The following ADAM18 variants were observed in gnomAD, a reference collection of about 807,000 sequenced individuals.
The protein encoded by ADAM18 is disintegrin and metalloproteinase domain-containing protein 18.
ADAM18 carries 117 observed loss-of-function variants against 94.4 expected under a neutral mutation model. That is an observed-to-expected ratio of 1.24 (90% confidence interval 1.07 to 1.45). The LOEUF (loss-of-function observed/expected upper bound fraction) is 1.45, where lower values mean the gene tolerates loss of function less well. ADAM18 is among the 40% of genes most tolerant of loss of function. The pLI is 0.00. For synonymous variants in ADAM18, 327 were observed against 291.6 expected, an observed-to-expected ratio of 1.12 and a Z score of -1.24; for missense variants, 936 against 880.0, an observed-to-expected ratio of 1.06 and a Z score of -0.81.
chr8:39,700,466 T>G (rs1822035782), intron 17 of ADAM18, among the ~76,000 whole-genome samples: 2 of 151,872 alleles, frequency 1.3e-5, no homozygotes, highest in Non-Finnish European at 2.9e-5. Flanking sequence ...TTTGAAAAAA[T>G]GTACATAGAA....
At chr8:39,606,949 A>G (rs1819104844) in intron 3 of ADAM18, among the ~76,000 whole-genome samples, 1 of 152,172 alleles carries the variant, frequency 6.6e-6, no homozygotes, top group African/African-American at 2.4e-5. Context: ...GTCATCAGTT[A>G]AGGCAGGAAC....
intron 17 of ADAM18, among the ~76,000 whole-genome samples, chr8:39,693,516 A>G (rs1385610868): frequency 1.3e-5 from 2 of 151,282 alleles, no homozygotes; most frequent in African/African-American, 4.8e-5. Flanking sequence ...CAATATCTCA[A>G]CACAAAGTTA....
intron 17 of ADAM18, among the ~76,000 whole-genome samples, chr8:39,697,631 C>A (rs1462945276): frequency 6.6e-6 from 1 of 151,678 alleles, no homozygotes; most frequent in East Asian, 1.9e-4. Flanking sequence ...CTATTTCTTG[C>A]ATTCCTTTCT....
chr8:39,670,944 ACT>A (rs1022302515), intron 14 of ADAM18, among the ~76,000 whole-genome samples: 1 of 152,208 alleles, frequency 6.6e-6, no homozygotes, highest in African/African-American at 2.4e-5. Flanking sequence ...TCAAACACAC[ACT>A]GGCAGGTTAT....
At chr8:39,683,274 C>G (rs1821520449) in intron 16 of ADAM18, among the ~76,000 whole-genome samples, 1 of 152,160 alleles carries the variant, frequency 6.6e-6, no homozygotes, top group African/African-American at 2.4e-5. Flanking sequence ...AATTTGGAAG[C>G]ATATTCATTT....
chr8:39,639,020 ACAAC>A (rs1241791792), intron 10 of ADAM18, among the ~76,000 whole-genome samples: 2 of 151,962 alleles, frequency 1.3e-5, no homozygotes, highest in Non-Finnish European at 2.9e-5. Context: ...TGCAAAATTT[ACAAC>A]CCTTAAATCA....
Position 39,691,357 on chromosome 8 carries a change from C to G in ADAM18, c.1822-1243C>G, listed in dbSNP as rs563006367. Among the ~76,000 whole-genome samples the G allele has an allele frequency of 8.5e-5, 13 of 152,206 alleles. No homozygotes were observed. The South Asian group carries it at 2.7e-3, about 32-fold the overall frequency. On this transcript the variant is annotated intron_variant, in intron 16 of 19. Coordinates refer to ENST00000265707, the MANE Select transcript of ADAM18 (RefSeq NM_014237.3). Reference sequence around the variant, plus strand: ...GCGAGAATGCAGAGAAAGGGTAACTCTTATACACTGTTTGTGACAATGCAA... The same window carrying G: ...GCGAGAATGCAGAGAAAGGGTAACTGTTATACACTGTTTGTGACAATGCAA...
intron 12 of ADAM18, among the ~76,000 whole-genome samples, chr8:39,648,755 G>A (rs1820451527): frequency 6.6e-6 from 1 of 152,224 alleles, no homozygotes; most frequent in East Asian, 1.9e-4. Flanking sequence ...TGCCAATCAT[G>A]CCAGCAGATT....
chr8:39,633,854 G>C (rs1362202499), intron 7 of ADAM18, among the ~76,000 whole-genome samples: 2 of 151,198 alleles, frequency 1.3e-5, no homozygotes, highest in African/African-American at 4.9e-5. Context: ...GGTGGGGGAT[G>C]GGGGGTTGGG....
chr8:39,728,726 T>G (rs1385133049), intron 19 of ADAM18, among the ~76,000 whole-genome samples: 3 of 152,182 alleles, frequency 2.0e-5, no homozygotes, highest in African/African-American at 7.2e-5. Context: ...ATTTTATGTT[T>G]AGAAGGAAGT....
intron 2 of ADAM18, among the ~76,000 whole-genome samples, chr8:39,598,680 G>C (rs1818811470): frequency 6.7e-6 from 1 of 149,914 alleles, no homozygotes; most frequent in Non-Finnish European, 1.5e-5. Flanking sequence ...AGGAAGGAGA[G>C]TCACTTGAAC....
intron 14 of ADAM18, among the ~76,000 whole-genome samples, chr8:39,668,619 G>C (rs1305446243): frequency 6.6e-6 from 1 of 152,032 alleles, no homozygotes; most frequent in Non-Finnish European, 1.5e-5. Context: ...TAAGATAATG[G>C]TGGTCTTAAG....
At chr8:39,599,748 A>C (rs1818848670) in intron 2 of ADAM18, among the ~76,000 whole-genome samples, 1 of 152,168 alleles carries the variant, frequency 6.6e-6, no homozygotes, top group Admixed American at 6.5e-5. Context: ...GAACTAAATT[A>C]AATTTTAAAT....
intron 17 of ADAM18, among the ~76,000 whole-genome samples, chr8:39,696,457 A>G (rs1241033746): frequency 2.0e-5 from 3 of 151,474 alleles, no homozygotes; most frequent in Non-Finnish European, 4.4e-5. Flanking sequence ...ATCTAATGTC[A>G]TGAAGCTTTT....
intron 3 of ADAM18, among the ~76,000 whole-genome samples, chr8:39,607,382 T>C (rs1819118094): frequency 2.0e-5 from 3 of 152,226 alleles, no homozygotes; most frequent in Non-Finnish European, 1.5e-5. Context: ...TATGTATTTA[T>C]AGCAACTGTC....
rs557403089 is a variant in ADAM18, at chr8:39,702,809, T to A, written c.1903-3981T>A. 2.0e-5 allele frequency among the ~76,000 whole-genome samples: 3 copies of A among 152,326 alleles called. No individual in the cohort carries two copies. In the South Asian group the frequency reaches 6.2e-4, roughly 32 times the overall value. On this transcript the variant is annotated intron_variant, in intron 17 of 19. Transcript: ENST00000265707. ...AGATAGTTGTCGGTGTGTGATCTTA[T>A]GTCTGGGTTCTCTGCTGTTCCATAG...
intron 10 of ADAM18, among the ~76,000 whole-genome samples, chr8:39,642,515 C>G (rs1302397577): frequency 6.6e-6 from 1 of 151,906 alleles, no homozygotes; most frequent in Admixed American, 6.6e-5. Context: ...ATAGAGAATT[C>G]TTTCCCCTTT....
chr8:39,713,988 C>A (rs1822497191), intron 18 of ADAM18, among the ~76,000 whole-genome samples: 1 of 152,122 alleles, frequency 6.6e-6, no homozygotes, highest in Admixed American at 6.5e-5. Flanking sequence ...GACACATGCA[C>A]ACATATGTTT....
intron 18 of ADAM18, among the ~76,000 whole-genome samples, chr8:39,712,438 G>C (rs1299701907): frequency 2.6e-5 from 4 of 152,156 alleles, no homozygotes; most frequent in Non-Finnish European, 5.9e-5. Flanking sequence ...GGAAGTTCTG[G>C]TCAGGGCAAT....
Sources: gnomAD v4.1 joint callset for allele counts (sites outside exome capture counted in the v4.1 genomes callset) on GRCh38, gnomAD v4.1.1 for gene constraint, MANE v1.5 for transcripts, NCBI Gene and HGNC (gene_info 2026-07-23, HGNC 2026-07-21) for gene names.